PLCB1: variants seen among roughly 807,000 people sequenced by gnomAD.
PLCB1 encodes the protein 1-phosphatidylinositol 4,5-bisphosphate phosphodiesterase beta-1.
PLCB1 carries 46 observed loss-of-function variants against 161.8 expected under a neutral mutation model. That is an observed-to-expected ratio of 0.28 (90% CI 0.22 to 0.36). PLCB1 has a LOEUF of 0.36. Among genes scored for constraint, PLCB1 ranks in the 10% least tolerant of loss-of-function variants. The pLI, the probability that PLCB1 is intolerant of heterozygous loss-of-function variation, is 1.00. For missense variants in PLCB1, 1,016 were observed against 1,472.5 expected (o/e 0.69, Z 5.07); for synonymous variants, 517 against 503.7 (o/e 1.03, Z -0.35).
chr20:8,240,513 G>T (rs1240024798), intron 2 of PLCB1, among the ~76,000 whole-genome samples: 1 of 151,630 alleles, frequency 6.6e-6, no homozygotes, highest in East Asian at 1.9e-4. Flanking sequence ...TCCTTAAATG[G>T]ATATTTGGCT....
At chr20:8,163,348 A>G (rs1008108826) in intron 2 of PLCB1, among the ~76,000 whole-genome samples, 6 of 152,192 alleles carry the variant, frequency 3.9e-5, no homozygotes, top group Admixed American at 6.5e-5. Flanking sequence ...CTCTTCTGCC[A>G]GCCTCTCCTG....
rs553921029 is a variant in PLCB1 at position 8,143,802 on chromosome 20, G to A, written c.100-6492G>A. On this transcript the variant is annotated intron_variant, in intron 1 of 31. Coordinates refer to ENST00000338037, the MANE Select transcript of PLCB1 (RefSeq NM_015192.4). Reference sequence around the variant, plus strand: ...TGGCAAGGGCCTGCATATATACTGCGTAGGTCCTTGCAGGATTTTAGACGT... The same window carrying A: ...TGGCAAGGGCCTGCATATATACTGCATAGGTCCTTGCAGGATTTTAGACGT... Among the ~76,000 whole-genome samples, 6 of 152,198 alleles carry A rather than the reference G, an allele frequency of 3.9e-5. No individual in the cohort carries two copies. The South Asian group carries it at 6.2e-4, about 16-fold the overall frequency.
chr20:8,299,421 C>CAA (rs1983792259), intron 2 of PLCB1, among the ~76,000 whole-genome samples: 1 of 152,132 alleles, frequency 6.6e-6, no homozygotes, highest in South Asian at 2.1e-4. Flanking sequence ...GACACACACA[C>CAA]AACTTTCAGG....
chr20:8,375,396 AC>A (rs1987040230), intron 3 of PLCB1, among the ~76,000 whole-genome samples: 1 of 152,162 alleles, frequency 6.6e-6, no homozygotes, highest in African/African-American at 2.4e-5. Flanking sequence ...GTAGTTCCTG[AC>A]CCATCAGATC....
intron 2 of PLCB1, among the ~76,000 whole-genome samples, chr20:8,322,758 T>C (rs1984975537): frequency 6.6e-6 from 1 of 152,170 alleles, no homozygotes; most frequent in Admixed American, 6.6e-5. Flanking sequence ...GAATTAAACA[T>C]GACAGAAGAA....
At chr20:8,636,045 C>T (rs1172655157) in intron 4 of PLCB1, among the ~76,000 whole-genome samples, 1 of 151,986 alleles carries the variant, frequency 6.6e-6, no homozygotes, top group Non-Finnish European at 1.5e-5. Context: ...GATGAGTAAG[C>T]AGTAGCTGTA....
At chr20:8,391,781 G>T (rs1464071193) in intron 3 of PLCB1, among the ~76,000 whole-genome samples, 3 of 95,474 alleles carry the variant, frequency 3.1e-5, no homozygotes, top group Admixed American at 1.3e-4. Flanking sequence ...ATATATATGT[G>T]TGTGTATATA....
chr20:8,774,802 G>T, intron 27 of PLCB1, 83 bp downstream of exon 27: 1 of 1,179,508 alleles, frequency 8.5e-7, no homozygotes, highest in Non-Finnish European at 1.2e-6. Flanking sequence ...TAACTAAAAG[G>T]AGACAAGGGT....
Position 8,729,146 on chromosome 20 carries a change from G to T in PLCB1, c.1860G>T (p.Gln620His). The T allele has an allele frequency of 6.2e-7, 1 of 1,612,158 alleles. No individual in the cohort carries two copies. The highest frequency in any genetic ancestry group is 8.5e-7 in the Non-Finnish European group (1 of 1,178,714). The change falls in exon 18 of 32, where the codon CAG becomes CAT. Residue 620 changes from glutamine to histidine, a missense_variant. Coordinates refer to ENST00000338037, the MANE Select transcript of PLCB1 (RefSeq NM_015192.4). ...AGCTCTTCTGGAATGCAGGTTGTCA[G>T]ATGGTGGCACTTAATTTCCAGACAA... is the stretch of plus-strand genomic sequence containing the variant. ...MPQLFWNAGC[Q>H]MVALNFQTMD...
intron 3 of PLCB1, among the ~76,000 whole-genome samples, chr20:8,415,299 A>C (rs1025003928): frequency 6.6e-6 from 1 of 152,202 alleles, no homozygotes; most frequent in Non-Finnish European, 1.5e-5. Context: ...TGTGTACCTT[A>C]TTTCTCTGTA....
At chr20:8,484,496 G>A (rs901062389) in intron 3 of PLCB1, among the ~76,000 whole-genome samples, 4 of 151,620 alleles carry the variant, frequency 2.6e-5, no homozygotes, top group Non-Finnish European at 5.9e-5. Flanking sequence ...AAGTAGCTGG[G>A]ACTACAGGCG....
intron 3 of PLCB1, among the ~76,000 whole-genome samples, chr20:8,523,537 C>T (rs1247082723): frequency 1.0e-5 from 1 of 100,134 alleles, no homozygotes; most frequent in Non-Finnish European, 2.1e-5. Flanking sequence ...GAGACAACAC[C>T]TCCAAAGAAA....
intron 3 of PLCB1, among the ~76,000 whole-genome samples, chr20:8,436,962 G>A (rs1345259234): frequency 1.3e-5 from 2 of 152,028 alleles, no homozygotes; most frequent in Non-Finnish European, 2.9e-5. Flanking sequence ...GCTAATTTTT[G>A]TATTTTTAGT....
chr20:8,286,366 G>A (rs187862690), intron 2 of PLCB1, among the ~76,000 whole-genome samples: 4 of 152,258 alleles, frequency 2.6e-5, no homozygotes, highest in South Asian at 2.1e-4. Context: ...CCAAGTTTAC[G>A]TGAATGCCAT....
At chr20:8,259,201 C>T (rs1981573591) in intron 2 of PLCB1, among the ~76,000 whole-genome samples, 1 of 152,112 alleles carries the variant, frequency 6.6e-6, no homozygotes, top group Non-Finnish European at 1.5e-5. Context: ...GTAATTACAA[C>T]AAAAGCCATT....
At chr20:8,319,071 T>C (rs1355215489) in intron 2 of PLCB1, among the ~76,000 whole-genome samples, 2 of 152,334 alleles carry the variant, frequency 1.3e-5, no homozygotes, top group East Asian at 3.9e-4. Context: ...GTATTATATA[T>C]AGGCACCCAT....
chr20:8,859,755 A>C (rs1220570323), intron 31 of PLCB1, among the ~76,000 whole-genome samples: 1 of 152,114 alleles, frequency 6.6e-6, no homozygotes, highest in Non-Finnish European at 1.5e-5. Flanking sequence ...AATGTCTTCA[A>C]AGGTGATGGG....
chr20:8,455,191 G>A (rs1981246558), intron 3 of PLCB1, among the ~76,000 whole-genome samples: 1 of 151,732 alleles, frequency 6.6e-6, no homozygotes, highest in African/African-American at 2.4e-5. Flanking sequence ...AGCTGGGCGT[G>A]GTGGCACACA....
intron 2 of PLCB1, among the ~76,000 whole-genome samples, chr20:8,341,508 T>A (rs1302389763): frequency 6.6e-6 from 1 of 152,228 alleles, no homozygotes; most frequent in African/African-American, 2.4e-5. Flanking sequence ...CCGGATTTGC[T>A]GTTTTTTCTT....
Sources: gnomAD v4.1 joint callset for allele counts (sites outside exome capture counted in the v4.1 genomes callset) on GRCh38, gnomAD v4.1.1 for gene constraint, MANE v1.5 for transcripts, NCBI Gene and HGNC (gene_info 2026-07-23, HGNC 2026-07-21) for gene names.